The following IL1RAPL2 variants were observed in gnomAD, a reference collection of about 807,000 sequenced individuals.
IL1RAPL2 encodes X-linked interleukin-1 receptor accessory protein-like 2.
A neutral mutation model predicts 44.1 loss-of-function variants in IL1RAPL2; 3 were observed. That is an observed-to-expected ratio of 0.07 (90% confidence interval 0.03 to 0.18). IL1RAPL2 has a LOEUF of 0.18. Ranked by LOEUF, IL1RAPL2 falls within the 10% of genes least tolerant of loss-of-function variation. The pLI is 1.00. For missense variants in IL1RAPL2, 391 were observed against 496.4 expected (o/e 0.79, Z 2.02); for synonymous variants, 181 against 178.8 (o/e 1.01, Z -0.10).
chrX:105,051,966 G>A (rs188839796), intron 2 of IL1RAPL2, among the ~76,000 whole-genome samples: 69 of 112,361 alleles, frequency 6.1e-4, no homozygotes, highest in African/African-American at 2.2e-3. Context: ...TGCAGTTTCT[G>A]CACATGTATC....
At chrX:105,152,541 A>G (rs754744835) in intron 2 of IL1RAPL2, among the ~76,000 whole-genome samples, 2 of 112,038 alleles carry the variant, frequency 1.8e-5, no homozygotes, top group South Asian at 3.7e-4. Context: ...ATCCATATGT[A>G]GTTTACATGG....
chrX:104,571,618 C>T (rs763298197), intron 1 of IL1RAPL2, among the ~76,000 whole-genome samples: 1 of 112,184 alleles, frequency 8.9e-6, no homozygotes, highest in East Asian at 2.8e-4. Flanking sequence ...TCTCCTTTGC[C>T]TTCTACCATG....
At chrX:104,643,953 C>A (rs1274559060) in intron 1 of IL1RAPL2, among the ~76,000 whole-genome samples, 1 of 111,273 alleles carries the variant, frequency 9.0e-6, no homozygotes, top group African/African-American at 3.3e-5. Context: ...TACTATAAAA[C>A]CTCAATTAGC....
intron 5 of IL1RAPL2, among the ~76,000 whole-genome samples, chrX:105,410,212 A>G: frequency 9.0e-6 from 1 of 110,751 alleles, no homozygotes; most frequent in East Asian, 2.8e-4. Context: ...GTTTCTGGGT[A>G]GAAGTCAAGG....
chrX:105,426,216 A>G (rs2035809453), intron 5 of IL1RAPL2, among the ~76,000 whole-genome samples: 1 of 110,394 alleles, frequency 9.1e-6, no homozygotes, highest in Non-Finnish European at 1.9e-5. Flanking sequence ...CACTGAACAG[A>G]CAGAACAAGC....
At chrX:105,541,548 A>G (rs183467035) in intron 6 of IL1RAPL2, among the ~76,000 whole-genome samples, 33 of 111,035 alleles carry the variant, frequency 3.0e-4, no homozygotes, top group African/African-American at 1.1e-3. Context: ...GATTGTAGAG[A>G]GCATTGAATA....
chrX:105,195,409 T>A, intron 2 of IL1RAPL2, 66 bp from the exon 3 acceptor site: 3 of 1,046,619 alleles, frequency 2.9e-6, no homozygotes, highest in Non-Finnish European at 4.0e-6. Flanking sequence ...TGGTGATGAT[T>A]ACTGCTCACA....
At chrX:105,426,007 AT>A (rs2069365114) in intron 5 of IL1RAPL2, among the ~76,000 whole-genome samples, 1 of 96,544 alleles carries the variant, frequency 1.0e-5, no homozygotes, top group African/African-American at 3.7e-5. Context: ...TTTCTTGTTT[AT>A]TTTTTCTGTT....
intron 7 of IL1RAPL2, among the ~76,000 whole-genome samples, chrX:105,738,585 C>G (rs995779934): frequency 1.8e-5 from 2 of 111,351 alleles, no homozygotes; most frequent in African/African-American, 6.5e-5. Flanking sequence ...ATTTAAGAAC[C>G]TACTCCAGAG....
intron 2 of IL1RAPL2, among the ~76,000 whole-genome samples, chrX:105,043,485 C>T (rs2031789396): frequency 9.1e-6 from 1 of 109,317 alleles, no homozygotes; most frequent in East Asian, 2.9e-4. Context: ...TCTTCTATTC[C>T]TCCTGTTTCA....
chrX:105,524,302 T>A (rs2147790552), intron 6 of IL1RAPL2, among the ~76,000 whole-genome samples: 1 of 111,172 alleles, frequency 9.0e-6, no homozygotes. Context: ...ACATTTGAAG[T>A]CTGCAATACA....
chrX:104,636,487 C>T (rs961156480), intron 1 of IL1RAPL2, among the ~76,000 whole-genome samples: 2 of 112,256 alleles, frequency 1.8e-5, no homozygotes, highest in Non-Finnish European at 3.8e-5. Flanking sequence ...GCGGTGGACT[C>T]CACCCAGTTC....
At chrX:105,010,409 T>C (rs1224526281) in intron 2 of IL1RAPL2, among the ~76,000 whole-genome samples, 1 of 111,599 alleles carries the variant, frequency 9.0e-6, no homozygotes, top group East Asian at 2.8e-4. Flanking sequence ...TTTATCATCA[T>C]TTGTTTCTCT....
chrX:105,393,254 G>A (rs995136314), intron 5 of IL1RAPL2, among the ~76,000 whole-genome samples: 7 of 110,334 alleles, frequency 6.3e-5, no homozygotes, highest in African/African-American at 1.3e-4. Flanking sequence ...GCACTGAGTC[G>A]TCTTCTGGGT....
intron 2 of IL1RAPL2, among the ~76,000 whole-genome samples, chrX:104,936,022 G>T (rs1925018311): frequency 8.9e-6 from 1 of 112,006 alleles, no homozygotes; most frequent in Admixed American, 9.5e-5. Flanking sequence ...CTTAACCTCT[G>T]TGGTTTCTAC....
At chrX:105,176,425 T>C (rs764776472) in intron 2 of IL1RAPL2, among the ~76,000 whole-genome samples, 1 of 110,775 alleles carries the variant, frequency 9.0e-6, no homozygotes, top group South Asian at 3.8e-4. Context: ...TGATGCCCCT[T>C]GATCAGCCTC....
intron 6 of IL1RAPL2, among the ~76,000 whole-genome samples, chrX:105,652,997 G>C (rs1384623530): frequency 9.0e-6 from 1 of 111,173 alleles, no homozygotes; most frequent in Non-Finnish European, 1.9e-5. Flanking sequence ...GGCATCTACT[G>C]TATACAAATA....
At chrX:104,649,263 C>T (rs753141294) in intron 1 of IL1RAPL2, among the ~76,000 whole-genome samples, 2 of 111,626 alleles carry the variant, frequency 1.8e-5, no homozygotes, top group African/African-American at 6.5e-5. Context: ...TTGGCTGCCA[C>T]TTTATGCAGT....
At chrX:104,689,707 C>G (rs776607602) in intron 2 of IL1RAPL2, among the ~76,000 whole-genome samples, 18 of 111,370 alleles carry the variant, frequency 1.6e-4, no homozygotes, top group Non-Finnish European at 2.6e-4. Flanking sequence ...GTATCACTAA[C>G]AAAAGGAAGA....
Sources: gnomAD v4.1 joint callset for allele counts (sites outside exome capture counted in the v4.1 genomes callset) on GRCh38, gnomAD v4.1.1 for gene constraint, MANE v1.5 for transcripts, NCBI Gene and HGNC (gene_info 2026-07-23, HGNC 2026-07-21) for gene names.